SCAPER: variants seen among roughly 807,000 people sequenced by gnomAD.
SCAPER encodes the protein S phase cyclin A-associated protein in the endoplasmic reticulum.
A neutral mutation model predicts 182.2 loss-of-function variants in SCAPER; 98 were observed. The ratio of observed to expected loss-of-function variants is 0.54; its 90% CI spans 0.46 to 0.64. SCAPER has a LOEUF of 0.64. Among genes scored for constraint, SCAPER ranks in the 30% least tolerant of loss-of-function variants. The pLI is 0.00. For synonymous variants in SCAPER, 605 were observed against 564.6 expected, an observed-to-expected ratio of 1.07 and a Z score of -1.01; for missense variants, 1,432 against 1,690.0, an observed-to-expected ratio of 0.85 and a Z score of 2.68.
At chr15:76,495,236 A>G (rs1480260505) in intron 24 of SCAPER, among the ~76,000 whole-genome samples, 2 of 151,898 alleles carry the variant, frequency 1.3e-5, no homozygotes, top group African/African-American at 4.8e-5. Context: ...CAACAACCCA[A>G]TCCGGAATGA....
intron 27 of SCAPER, among the ~76,000 whole-genome samples, chr15:76,384,574 TAATGA>T (rs1237834637): frequency 6.6e-6 from 1 of 152,196 alleles, no homozygotes; most frequent in Non-Finnish European, 1.5e-5. Flanking sequence ...AATATTATCC[TAATGA>T]AATGAAAACG....
At chr15:76,730,036 T>C (rs1419867818) in intron 16 of SCAPER, among the ~76,000 whole-genome samples, 2 of 152,144 alleles carry the variant, frequency 1.3e-5, no homozygotes, top group Non-Finnish European at 2.9e-5. Flanking sequence ...AGAGCCTCAG[T>C]TGATTGTGAG....
intron 15 of SCAPER, among the ~76,000 whole-genome samples, chr15:76,748,945 A>C (rs1021510679): frequency 2.0e-5 from 3 of 152,088 alleles, no homozygotes; most frequent in Non-Finnish European, 4.4e-5. Context: ...AAATTAAACA[A>C]TAAATTGTAT....
chr15:76,531,816 T>C (rs1429217172), intron 23 of SCAPER, among the ~76,000 whole-genome samples: 2 of 152,174 alleles, frequency 1.3e-5, no homozygotes, highest in African/African-American at 4.8e-5. Flanking sequence ...CTGACCAGTC[T>C]TCAGTAAAGT....
At chr15:76,518,925 C>T (rs1426042501) in intron 23 of SCAPER, among the ~76,000 whole-genome samples, 5 of 152,200 alleles carry the variant, frequency 3.3e-5, no homozygotes, top group Non-Finnish European at 7.3e-5. Context: ...CAAGTGTTTA[C>T]TGAAGAGTTA....
intron 3 of SCAPER, among the ~76,000 whole-genome samples, chr15:76,860,080 T>C (rs1404658891): frequency 6.6e-6 from 1 of 152,218 alleles, no homozygotes; most frequent in Non-Finnish European, 1.5e-5. Flanking sequence ...TGGCCAATTA[T>C]TTATGTTCTT....
chr15:76,835,198 A>T (rs1016944968), intron 5 of SCAPER, among the ~76,000 whole-genome samples: 1 of 152,126 alleles, frequency 6.6e-6, no homozygotes, highest in African/African-American at 2.4e-5. Flanking sequence ...ACACACACAC[A>T]CAAATAAAAT....
chr15:76,795,953 C>T (rs570137239), intron 7 of SCAPER, among the ~76,000 whole-genome samples: 2 of 152,094 alleles, frequency 1.3e-5, no homozygotes, highest in Non-Finnish European at 2.9e-5. Flanking sequence ...CCCAGCTACT[C>T]GAGAGACTGA....
At chr15:76,470,721 C>T (rs1277440054) in intron 25 of SCAPER, among the ~76,000 whole-genome samples, 1 of 152,146 alleles carries the variant, frequency 6.6e-6, no homozygotes, top group Non-Finnish European at 1.5e-5. Flanking sequence ...TGCTTGTTCC[C>T]ATTTCAACAA....
intron 23 of SCAPER, among the ~76,000 whole-genome samples, chr15:76,545,410 C>T (rs967639533): frequency 1.3e-5 from 2 of 152,080 alleles, no homozygotes; most frequent in Non-Finnish European, 2.9e-5. Context: ...CACAATATTG[C>T]TACTGGGCTG....
At chr15:76,664,386 G>GA (rs1279085795) in intron 21 of SCAPER, among the ~76,000 whole-genome samples, 1 of 152,158 alleles carries the variant, frequency 6.6e-6, no homozygotes, top group African/African-American at 2.4e-5. Flanking sequence ...AGGTGTAGGA[G>GA]AAAGACAGAT....
chr15:76,901,530 C>T (rs563083603), intron 1 of SCAPER, among the ~76,000 whole-genome samples: 1 of 152,208 alleles, frequency 6.6e-6, no homozygotes, highest in Admixed American at 6.5e-5. Flanking sequence ...TAATATTGCT[C>T]ATGTATAATA....
At chr15:76,647,571 G>A (rs1353985671) in intron 21 of SCAPER, among the ~76,000 whole-genome samples, 1 of 152,180 alleles carries the variant, frequency 6.6e-6, no homozygotes. Context: ...GAAAAAGTTG[G>A]AATTTGTGGG....
At chr15:76,481,022 C>T (rs1017628406) in intron 24 of SCAPER, among the ~76,000 whole-genome samples, 2 of 152,152 alleles carry the variant, frequency 1.3e-5, no homozygotes, top group Non-Finnish European at 2.9e-5. Flanking sequence ...TGAGCCACCG[C>T]GCCCGGCCCA....
At chr15:76,403,583 C>T (rs2044619417) in intron 27 of SCAPER, among the ~76,000 whole-genome samples, 1 of 152,124 alleles carries the variant, frequency 6.6e-6, no homozygotes, top group Admixed American at 6.5e-5. Context: ...CACTGGTATT[C>T]TGTGAACACT....
intron 27 of SCAPER, among the ~76,000 whole-genome samples, chr15:76,384,669 A>G (rs1298909546): frequency 6.6e-6 from 1 of 152,256 alleles, no homozygotes; most frequent in Non-Finnish European, 1.5e-5. Flanking sequence ...ATAGTGCTTC[A>G]TGGAAAAGAC....
chr15:76,846,296 G>C (rs1197425952), intron 4 of SCAPER, among the ~76,000 whole-genome samples: 3 of 151,746 alleles, frequency 2.0e-5, no homozygotes, highest in Non-Finnish European at 4.4e-5. Context: ...AAAATTTCTT[G>C]AGCAATATAC....
intron 17 of SCAPER, among the ~76,000 whole-genome samples, chr15:76,719,399 G>A (rs1339623718): frequency 1.3e-5 from 2 of 152,216 alleles, no homozygotes; most frequent in East Asian, 1.9e-4. Flanking sequence ...AAGAGGGAGA[G>A]GGCAGAAAAG....
chr15:76,715,875 G>A (rs767728948), intron 17 of SCAPER, among the ~76,000 whole-genome samples: 1 of 152,126 alleles, frequency 6.6e-6, no homozygotes, highest in Non-Finnish European at 1.5e-5. Flanking sequence ...CTGTGTAGTG[G>A]GAGAACTGAA....
Sources: allele counts gnomAD v4.1 joint callset (sites outside exome capture counted in the v4.1 genomes callset), GRCh38; gene constraint gnomAD v4.1.1; transcripts MANE v1.5; gene names NCBI Gene and HGNC (gene_info 2026-07-23, HGNC 2026-07-21).